DCSTAMP: variants seen among roughly 807,000 people sequenced by gnomAD.
DCSTAMP encodes dendrocyte expressed seven transmembrane protein.
Under a neutral mutation model 33.8 loss-of-function variants are expected in DCSTAMP, and 25 were observed. The ratio of observed to expected loss-of-function variants is 0.74; its 90% confidence interval spans 0.54 to 1.03. The LOEUF (loss-of-function observed/expected upper bound fraction) is 1.03. Ranked by LOEUF, DCSTAMP falls within the 50% of genes least tolerant of loss-of-function variation. DCSTAMP has a pLI of 0.00. For synonymous variants in DCSTAMP, 245 were observed against 216.7 expected, an observed-to-expected ratio of 1.13 and a Z score of -1.15; for missense variants, 531 against 556.8, an observed-to-expected ratio of 0.95 and a Z score of 0.47.
At chr8:104,345,360 C>G (rs1057479310) in intron 1 of DCSTAMP, among the ~76,000 whole-genome samples, 3 of 152,138 alleles carry the variant, frequency 2.0e-5, no homozygotes, top group Non-Finnish European at 4.4e-5. Context: ...AAAGGGCAGA[C>G]TGGAACATCA....
rs1756292867 is a variant in DCSTAMP, at chr8:104,355,139, A to G, written c.1292A>G (p.Gln431Arg). Residue 431 changes from glutamine to arginine, a missense_variant, in exon 3 of 4, where the codon CAG becomes CGG. Gln to Arg is a conservative substitution (Grantham distance 43, BLOSUM62 1). Coordinates refer to ENST00000297581, the MANE Select transcript of DCSTAMP (RefSeq NM_030788.4). Reference protein sequence around the residue: ...HAKLLKKRSKQPLGEVKRRLS... With the variant: ...HAKLLKKRSKRPLGEVKRRLS... ...AAGCTGCTTAAAAAAAGATCAAAGC[A>G]GCCGCTGGGAGAAGTCAAAAGACGG... 2 of 1,614,076 alleles carry G rather than the reference A, an allele frequency of 1.2e-6. No homozygotes were observed. The highest frequency in any genetic ancestry group is 1.7e-6 in the Non-Finnish European group (2 of 1,180,004).
intron 1 of DCSTAMP, among the ~76,000 whole-genome samples, chr8:104,345,985 T>C (rs56199214): frequency 0.029 from 4,406 of 152,232 alleles, 91 homozygotes; most frequent in African/African-American, 0.063. Flanking sequence ...GAGGGTCCTG[T>C]CACATCACGC....
chr8:104,352,245 T>G (rs1588376643), intron 2 of DCSTAMP, among the ~76,000 whole-genome samples: 1 of 152,216 alleles, frequency 6.6e-6, no homozygotes, highest in Non-Finnish European at 1.5e-5. Flanking sequence ...CCATGGCTCC[T>G]GCCCTCCTAA....
chr8:104,343,392 A>C (rs2099383293), intron 1 of DCSTAMP, among the ~76,000 whole-genome samples: 1 of 152,216 alleles, frequency 6.6e-6, no homozygotes, highest in Non-Finnish European at 1.5e-5. Flanking sequence ...ACTAAGCCTC[A>C]GACATTGACA....
chr8:104,347,564 G>A (rs1040790088), intron 1 of DCSTAMP, among the ~76,000 whole-genome samples: 16 of 152,352 alleles, frequency 1.1e-4, no homozygotes, highest in Non-Finnish European at 1.8e-4. Context: ...TAGCAGACCA[G>A]TACAGAATTC....
chr8:104,345,474 C>T (rs914699000), intron 1 of DCSTAMP, among the ~76,000 whole-genome samples: 1 of 152,134 alleles, frequency 6.6e-6, no homozygotes, highest in Non-Finnish European at 1.5e-5. Context: ...TGTCTGGTGA[C>T]GTGCTGTTTT....
At chr8:104,345,064 T>C (rs1434801273) in intron 1 of DCSTAMP, among the ~76,000 whole-genome samples, 1 of 152,066 alleles carries the variant, frequency 6.6e-6, no homozygotes, top group East Asian at 1.9e-4. Flanking sequence ...TGTGGGATTA[T>C]AGCCATGAGC....
intron 3 of DCSTAMP, 73 bp from the exon 4 acceptor site, chr8:104,356,051 A>C (rs1810617676): frequency 7.3e-7 from 1 of 1,370,754 alleles, no homozygotes; most frequent in Non-Finnish European, 1.0e-6. Context: ...CCCCACAATG[A>C]AAAATTGATG....
chr8:104,340,130 T>A (rs2099382506), intron 1 of DCSTAMP, among the ~76,000 whole-genome samples: 1 of 152,148 alleles, frequency 6.6e-6, no homozygotes, highest in African/African-American at 2.4e-5. Context: ...CAGCTAATCC[T>A]CCTGGTGGTT....
Position 104,356,172 on chromosome 8 carries a change from G to A in DCSTAMP, c.1387G>A (p.Asp463Asn), listed in dbSNP as rs762265625. 8.7e-6 allele frequency: 14 copies of A among 1,612,664 alleles called. No homozygotes were observed. In the African/African-American group the frequency reaches 1.7e-4, roughly 20 times the overall value. The change falls in exon 4 of 4, where the codon GAC becomes AAC. Residue 463 changes from aspartate (D) to asparagine (N), a missense_variant. By Grantham distance (23) the Asp-to-Asn change is conservative (BLOSUM62 1). Transcript: ENST00000297581. The stretch of plus-strand genomic sequence containing the variant: ...GAAAATGATTAGGAAGAAGCAAATG[G>A]ACATGGCAAGTGCAGACAAGTCATG... Reference protein sequence around the residue: ...VLKMIRKKQMDMASADKS With the variant: ...VLKMIRKKQMNMASADKS
chr8:104,349,659 A>G, intron 2 of DCSTAMP, 78 bp downstream of exon 2: 1 of 1,498,378 alleles, frequency 6.7e-7, no homozygotes, highest in Non-Finnish European at 9.0e-7. Context: ...GAACCTCCCG[A>G]GGCAGGGCAG....
chr8:104,347,136 T>A (rs1324486652), intron 1 of DCSTAMP, among the ~76,000 whole-genome samples: 4 of 152,268 alleles, frequency 2.6e-5, no homozygotes, highest in Non-Finnish European at 5.9e-5. Context: ...TCTGAGAGCA[T>A]CACAGACCTA....
chr8:104,347,329 G>A (rs1382424314), intron 1 of DCSTAMP, among the ~76,000 whole-genome samples: 1 of 152,218 alleles, frequency 6.6e-6, no homozygotes, highest in Non-Finnish European at 1.5e-5. Flanking sequence ...AGAAGCCGTG[G>A]TTACAGAGCA....
chr8:104,345,033 C>G (rs1810264426), intron 1 of DCSTAMP, among the ~76,000 whole-genome samples: 1 of 152,012 alleles, frequency 6.6e-6, no homozygotes, highest in South Asian at 2.1e-4. Context: ...TGGGCTCAAT[C>G]AAGCAATCCT....
In DCSTAMP at chr8:104,349,072, T is replaced by C; in HGVS notation, c.520T>C (p.Ser174Pro). The change falls in exon 2 of 4, where the codon TCT becomes CCT. Residue 174 changes from serine to proline, a missense_variant. Transcript: ENST00000297581. ...LVSWNQTLAV[S>P]LFSPSHVLEA... is the part of the protein sequence containing the mutation. ...TTCTTGGAACCAGACCCTGGCAGTC[T>C]CTCTTTTCAGTCCCAGCCATGTCCT... is the stretch of plus-strand genomic sequence containing the variant. 3 of 1,614,150 alleles carry C rather than the reference T, an allele frequency of 1.9e-6. No homozygotes were observed. Among genetic ancestry groups the C allele is most frequent in the Non-Finnish European group, 2.5e-6 (3 of 1,180,040 alleles).
At chr8:104,355,592 G>A (rs1810602199) in intron 3 of DCSTAMP, among the ~76,000 whole-genome samples, 1 of 152,066 alleles carries the variant, frequency 6.6e-6, no homozygotes, top group South Asian at 2.1e-4. Flanking sequence ...GTGTGTGTTT[G>A]TGTGTGTATA....
chr8:104,348,686 G>A lies in DCSTAMP; in HGVS notation c.134G>A (p.Gly45Asp). ...VCCLVALISV[G>D]LLSVAACWFL... ...TGTTTGGTTGCTCTTATTTCAGTGG[G>A]CCTCCTGTCTGTGGCCGCCTGCTGG... Residue 45 changes from glycine to aspartate, a missense_variant, in exon 2 of 4, where the codon GGC becomes GAC. Transcript: ENST00000297581. The A allele has an allele frequency of 6.2e-7, 1 of 1,614,154 alleles. No homozygotes were observed. The highest frequency in any genetic ancestry group is 8.5e-7 in the Non-Finnish European group (1 of 1,180,030).
chr8:104,354,927 G>T lies in DCSTAMP; in HGVS notation c.1080G>T (p.Val360=). The T allele has an allele frequency of 6.2e-7, 1 of 1,610,988 alleles. No homozygotes were observed. The highest frequency in any genetic ancestry group is 8.5e-7 in the Non-Finnish European group (1 of 1,177,212). ...ATGATTCTTCCTTTAATATATCTGT[G>T]TTTGAACCCAACTGTATCCCAAAAC... ...IIHDSSFNIS[V]FEPNCIPKPK... Residue 360 remains valine (V), a synonymous_variant, in exon 3 of 4, where the codon GTG becomes GTT. Coordinates refer to ENST00000297581, the MANE Select transcript of DCSTAMP (RefSeq NM_030788.4).
rs763207658 is a variant in DCSTAMP, at chr8:104,349,232, C to T, written c.680C>T (p.Thr227Ile). 5.5e-5 allele frequency: 88 copies of T among 1,614,104 alleles called. No individual in the cohort carries two copies. The highest frequency in any genetic ancestry group is 7.4e-5 in the Non-Finnish European group (87 of 1,180,056). ...FAGLSLVLLG[T>I]GLFMKRFLGP... ...GGGCTTTCGCTCGTCCTGCTTGGCA[C>T]TGGCCTCTTCATGAAGCGATTTTTG... Residue 227 changes from threonine to isoleucine, a missense_variant, in exon 2 of 4, where the codon ACT (threonine) becomes ATT (isoleucine). Transcript: ENST00000297581.
Sources: allele counts gnomAD v4.1 joint callset (sites outside exome capture counted in the v4.1 genomes callset), GRCh38; gene constraint gnomAD v4.1.1; transcripts MANE v1.5; gene names NCBI Gene and HGNC (gene_info 2026-07-23, HGNC 2026-07-21).